Variants in FGR observed in about 807,000 individuals in gnomAD.
FGR encodes the protein FGR proto-oncogene, Src family tyrosine kinase, also known as tyrosine-protein kinase Fgr.
Under a neutral mutation model 63.2 loss-of-function variants are expected in FGR, and 26 were observed. The observed-to-expected ratio is 0.41, with a 90% CI of 0.30 to 0.57. The LOEUF is 0.57. Among genes scored for constraint, FGR ranks in the 20% least tolerant of loss-of-function variants. The probability of loss-of-function intolerance (pLI) is 0.27; values close to 1 mark genes in which losing one functional copy is unlikely to be tolerated. For missense variants in FGR, 511 were observed against 690.8 expected, an observed-to-expected ratio of 0.74 and a Z score of 2.92; for synonymous variants, 286 against 277.7, an observed-to-expected ratio of 1.03 and a Z score of -0.30.
intron 1 of FGR, chr1:27,626,497 T>C (rs1480186613): frequency 1.4e-5 from 4 of 284,136 alleles, no homozygotes; most frequent in Non-Finnish European, 2.0e-5. Context: ...CCAGGTCCAG[T>C]TGCCTGGCTG....
At chr1:27,625,322 T>C (rs2148529900) in intron 1 of FGR, among the ~76,000 whole-genome samples, 171 bp from the exon 2 acceptor site, 1 of 152,146 alleles carries the variant, frequency 6.6e-6, no homozygotes, top group South Asian at 2.1e-4. Flanking sequence ...ACAACCCCCG[T>C]CACATAGGGC....
intron 5 of FGR, among the ~76,000 whole-genome samples, chr1:27,620,991 C>CA (rs59265327): frequency 0.035 from 764 of 22,004 alleles, 86 homozygotes; most frequent in East Asian, 0.083. Flanking sequence ...GACCCTGTCT[C>CA]AAAAAAAAAA....
At position 27,623,731 on chromosome 1, in the gene FGR, G is replaced by C. The variant is rs768167966; in HGVS notation, c.186C>G (p.Asn62Lys). 6.2e-7 allele frequency: 1 copy of C among 1,614,094 alleles called. No homozygotes were observed. Among genetic ancestry groups the C allele is most frequent in the Non-Finnish European group, 8.5e-7 (1 of 1,180,050 alleles). ...TGGTGCCACTATCAAGGAAGCCAGG[G>C]TTGATGGCCTGAGAGGAGAAGTTGC... The part of the protein sequence containing the change: ...NYSNFSSQAI[N>K]PGFLDSGTIR... Residue 62 changes from asparagine to lysine, a missense_variant, in exon 3 of 13, where the codon AAC (asparagine) becomes AAG (lysine). By Grantham distance (94) the Asn-to-Lys change is moderately conservative. Transcript: ENST00000374005.
At chr1:27,632,191 C>T (rs764319108) in intron 1 of FGR, among the ~76,000 whole-genome samples, 2 of 150,266 alleles carry the variant, frequency 1.3e-5, no homozygotes, top group African/African-American at 2.5e-5. Flanking sequence ...GGCTGGAATG[C>T]GATGGTTCGA....
Position 27,621,551 on chromosome 1 carries a change from C to T in FGR, c.428+8G>A. 6.2e-7 allele frequency: 1 copy of T among 1,610,482 alleles called. No individual in the cohort carries two copies. Among genetic ancestry groups the T allele is most frequent in the Middle Eastern group, 1.7e-4 (1 of 6,058 alleles). On this transcript the variant is annotated splice_region_variant and intron_variant, in intron 5 of 12. Transcript: ENST00000374005. ...CATAGGGCTGGTCTTGCCCCAATCC[C>T]TACTTACTCTTCAGCTTGGATTGAG...
At chr1:27,620,090 G>A (rs1412277251) in intron 5 of FGR, among the ~76,000 whole-genome samples, 1 of 152,200 alleles carries the variant, frequency 6.6e-6, no homozygotes, top group Non-Finnish European at 1.5e-5. Flanking sequence ...TCTGAGGCAG[G>A]AAGATCACTT....
chr1:27,627,196 C>T (rs1391824495), intron 1 of FGR, among the ~76,000 whole-genome samples: 1 of 151,816 alleles, frequency 6.6e-6, no homozygotes, highest in Admixed American at 6.6e-5. Context: ...AACAGAAAAA[C>T]CAAGGGTGAG....
intron 1 of FGR, among the ~76,000 whole-genome samples, chr1:27,626,991 AC>A: frequency 6.7e-6 from 1 of 150,200 alleles, no homozygotes; most frequent in South Asian, 2.1e-4. Context: ...ACATAGGGAC[AC>A]CCCGTCTCTA....
intron 11 of FGR, among the ~76,000 whole-genome samples, chr1:27,614,171 T>A (rs982558527): frequency 6.6e-6 from 1 of 152,186 alleles, no homozygotes; most frequent in African/African-American, 2.4e-5. Context: ...CTGGTAAACA[T>A]CTGCTGACTT....
chr1:27,619,285 G>T (rs912447422), intron 5 of FGR, among the ~76,000 whole-genome samples: 2 of 152,154 alleles, frequency 1.3e-5, no homozygotes, highest in Non-Finnish European at 2.9e-5. Flanking sequence ...CCACCTCCCA[G>T]GTTCAAGTGA....
intron 5 of FGR, among the ~76,000 whole-genome samples, chr1:27,620,754 G>A (rs1180443494): frequency 4.0e-5 from 6 of 151,568 alleles, no homozygotes; most frequent in South Asian, 2.1e-4. Context: ...GCCAGGTCTC[G>A]GTGGCTCATG....
chr1:27,624,128 C>T, intron 2 of FGR, 199 bp from the exon 3 acceptor site: 1 of 523,010 alleles, frequency 1.9e-6, no homozygotes, highest in Non-Finnish European at 3.4e-6. Context: ...AGTATGTCCC[C>T]CCTCAGTGCT....
chr1:27,614,950 C>G, intron 9 of FGR, 24 bp from the exon 10 acceptor site: 2 of 1,573,598 alleles, frequency 1.3e-6, no homozygotes, highest in Non-Finnish European at 1.7e-6. Context: ...AGAAAGTCAG[C>G]GGCAAAGCCC....
At chr1:27,626,008 G>C in intron 1 of FGR, 1 of 399,098 alleles carries the variant, frequency 2.5e-6, no homozygotes, top group East Asian at 3.6e-5. Flanking sequence ...AGCCACCCTA[G>C]GGTTCCATGT....
At position 27,615,400 on chromosome 1, in the gene FGR, C is replaced by G; in HGVS notation, c.1018+34G>C. ...TGAAAACTCCCCTCTTAACTTCACCCCGAATCCCGCCCGACCAGGCTCCGC... is the reference window on the plus strand; with the variant it reads ...TGAAAACTCCCCTCTTAACTTCACCGCGAATCCCGCCCGACCAGGCTCCGC... On this transcript the variant is annotated intron_variant, in intron 9 of 12. Coordinates refer to ENST00000374005, the MANE Select transcript of FGR (RefSeq NM_005248.3). This position sits in a 1 kb window ranked among gnomAD's most constrained non-coding sequence, Gnocchi z 7.6. 6.3e-7 allele frequency: 1 copy of G among 1,582,636 alleles called. No homozygotes were observed. The highest frequency in any genetic ancestry group is 8.6e-7 in the Non-Finnish European group (1 of 1,157,444).
At chr1:27,624,321 G>A (rs1557736385) in intron 2 of FGR, among the ~76,000 whole-genome samples, 1 of 152,186 alleles carries the variant, frequency 6.6e-6, no homozygotes, top group Non-Finnish European at 1.5e-5. Context: ...CTGCAGCCTT[G>A]ATCTCCTGGG....
chr1:27,630,854 C>T (rs1020968396), intron 1 of FGR, among the ~76,000 whole-genome samples: 16 of 152,166 alleles, frequency 1.1e-4, no homozygotes, highest in Middle Eastern at 3.4e-3. Flanking sequence ...AACCCTGGAC[C>T]GCAGTGCTCC....
Position 27,622,082 on chromosome 1 carries a change from C to A in FGR, c.330-425G>T, listed in dbSNP as rs2089939290. On this transcript the variant is annotated intron_variant, in intron 4 of 12. Transcript: ENST00000374005. ...ATTCCAGCAGTTTGGGAGGCCCAGG[C>A]AGGCAGATCTCCTGAGGTCAGGAGT... is the stretch of plus-strand genomic sequence containing the variant. 2.6e-5 allele frequency among the ~76,000 whole-genome samples: 4 copies of A among 152,218 alleles called. No individual in the cohort carries two copies. In the South Asian group the frequency reaches 8.3e-4, roughly 32 times the overall value.
At chr1:27,631,515 G>A (rs2090104700) in intron 1 of FGR, among the ~76,000 whole-genome samples, 1 of 152,216 alleles carries the variant, frequency 6.6e-6, no homozygotes, top group Admixed American at 6.5e-5. Context: ...ACTAGCTTAA[G>A]GCATTGGGCA....
Sources: gnomAD v4.1 joint callset for allele counts (sites outside exome capture counted in the v4.1 genomes callset) on GRCh38, gnomAD v4.1.1 for gene constraint, Gnocchi (gnomAD v3.1) non-coding constraint, MANE v1.5 for transcripts, NCBI Gene and HGNC (gene_info 2026-07-23, HGNC 2026-07-21) for gene names.